Variants in ERVH48-1 observed in about 807,000 individuals in gnomAD.
ERVH48-1 encodes suppressyn.
In ERVH48-1, 4 loss-of-function variants were observed where a neutral mutation model predicts 2.4. The ratio of observed to expected loss-of-function variants is 1.68; its 90% CI spans 0.83 to 3.84. ERVH48-1 has a LOEUF of 3.84. ERVH48-1 is among the 30% of genes most tolerant of loss of function. The pLI is 0.01. For missense variants in ERVH48-1, 97 were observed against 43.4 expected (o/e 2.23, Z -3.47); for synonymous variants, 32 against 15.5 (o/e 2.06, Z -2.49).
chr21:42,920,490 A>C (rs2058802621), intron 1 of ERVH48-1, among the ~76,000 whole-genome samples: 2 of 152,178 alleles, frequency 1.3e-5, no homozygotes. Flanking sequence ...GCAGTTAGGA[A>C]ACCCCCTTCT....
intron 1 of ERVH48-1, among the ~76,000 whole-genome samples, chr21:42,923,246 C>G (rs973463038): frequency 2.6e-5 from 4 of 152,228 alleles, no homozygotes; most frequent in Admixed American, 1.3e-4. Context: ...AGGAGGCTCC[C>G]GTGTGGAGCT....
rs1168110687 is a variant in ERVH48-1 at position 42,918,904 on chromosome 21, G to A, written c.103C>T (p.Leu35=). Residue 35 remains leucine, a synonymous_variant, in exon 2 of 2, where the codon CTG becomes TTG. Transcript: ENST00000447535. ...TTILILSVAV[L]LSTAAPPSCR... is the part of the protein sequence containing the mutation. Reference sequence around the variant, plus strand: ...CTCGGAGGGGCTGCTGTGGACAGCAGGACAGCTACTGACAGTATTAGGATC... The same window carrying A: ...CTCGGAGGGGCTGCTGTGGACAGCAAGACAGCTACTGACAGTATTAGGATC... The A allele has an allele frequency of 2.0e-6, 1 of 503,116 alleles. No individual in the cohort carries two copies. Among genetic ancestry groups the A allele is most frequent in the East Asian group, 6.8e-5 (1 of 14,614 alleles). 31.2% of individuals were successfully genotyped at this position (503,116 alleles called of 1,614,324 possible).
In ERVH48-1 at chr21:42,925,429, C is replaced by T; in HGVS notation, c.-369G>A. 1 of 491,180 alleles carries T rather than the reference C, an allele frequency of 2.0e-6. No individual in the cohort carries two copies. The highest frequency in any genetic ancestry group is 2.8e-5 in the Admixed American group (1 of 35,492). 30.4% of individuals were successfully genotyped at this position (491,180 alleles called of 1,614,324 possible). ...GCTTCCTTTGTCCGGCTGCTGTGGC[C>T]TGCTTTCCCAGATGGAGGGGTGGTA... On this transcript the variant is annotated 5_prime_UTR_variant, in exon 1 of 2. Coordinates refer to ENST00000447535, the MANE Select transcript of ERVH48-1 (RefSeq NM_001308491.2).
chr21:42,918,336 G>T lies in ERVH48-1; in HGVS notation c.*188C>A. 4 of 359,098 alleles carry T rather than the reference G, an allele frequency of 1.1e-5. No individual in the cohort carries two copies. The highest frequency in any genetic ancestry group is 8.6e-5 in the South Asian group (4 of 46,710). 22.2% of individuals were successfully genotyped at this position (359,098 alleles called of 1,614,324 possible). ...GTCCAGGACTGCGGGCATTCCTGAG[G>T]AGTGAAAGTGAGTCTGGGGTTTTGG... On this transcript the variant is annotated 3_prime_UTR_variant, in exon 2 of 2. Transcript: ENST00000447535.
chr21:42,919,801 T>C (rs1216122241), intron 1 of ERVH48-1, among the ~76,000 whole-genome samples: 2 of 152,144 alleles, frequency 1.3e-5, no homozygotes, highest in Non-Finnish European at 1.5e-5. Flanking sequence ...CCTTCTGAAG[T>C]TGTTGGGAAT....
At position 42,919,116 on chromosome 21, in the gene ERVH48-1, T is replaced by C. The variant is rs1266603280; in HGVS notation, c.-110A>G. ...GCCCAGACAAACACTTAGCTGTTAATGTTTTGGAGGAAGAAGCTGCCTTGG... is the reference window on the plus strand; with the variant it reads ...GCCCAGACAAACACTTAGCTGTTAACGTTTTGGAGGAAGAAGCTGCCTTGG... On this transcript the variant is annotated 5_prime_UTR_variant, in exon 2 of 2. Transcript: ENST00000447535. The C allele has an allele frequency of 8.4e-7, 1 of 1,188,640 alleles. No individual in the cohort carries two copies. Among genetic ancestry groups the C allele is most frequent in the South Asian group, 1.5e-5 (1 of 64,576 alleles). 73.6% of individuals were successfully genotyped at this position (1,188,640 alleles called of 1,614,324 possible). A position where few individuals can be genotyped will look rare whatever the true frequency, so the allele number is the denominator to read the frequency against.
In ERVH48-1 at chr21:42,918,516, G is replaced by A. The variant is rs1180790189; in HGVS notation, c.*8C>T. On this transcript the variant is annotated 3_prime_UTR_variant, in exon 2 of 2. Transcript: ENST00000447535. ...ATTTTTTCCTGGCTTAGGAAGGGAT[G>A]CATCTGCTTATAGTTTTTGTATAAA... is the stretch of plus-strand genomic sequence containing the variant. 8.9e-6 allele frequency: 4 copies of A among 451,140 alleles called. No homozygotes were observed. In the East Asian group the frequency reaches 2.8e-4, roughly 31 times the overall value. 27.9% of individuals were successfully genotyped at this position (451,140 alleles called of 1,614,324 possible). A position where few individuals can be genotyped will look rare whatever the true frequency, so the allele number is the denominator to read the frequency against.
chr21:42,918,028 T>C lies in ERVH48-1; in HGVS notation c.*496A>G, dbSNP rs537170346. The C allele has an allele frequency of 3.3e-5, 5 of 153,646 alleles. No homozygotes were observed. Among genetic ancestry groups the C allele is most frequent in the African/African-American group, 1.2e-4 (5 of 41,574 alleles). The allele number at this position is 153,646 out of a possible 1,614,324, so 9.5% of individuals were successfully genotyped here. On this transcript the variant is annotated 3_prime_UTR_variant, in exon 2 of 2. Coordinates refer to ENST00000447535, the MANE Select transcript of ERVH48-1 (RefSeq NM_001308491.2). ...CAGGAATCCGTCAGTGGCAGTCCAT[T>C]GTCAGCTGGTGTTCCTAGGATTGTC...
At chr21:42,923,806 G>T (rs1314375431) in intron 1 of ERVH48-1, among the ~76,000 whole-genome samples, 2 of 152,222 alleles carry the variant, frequency 1.3e-5, no homozygotes, top group African/African-American at 2.4e-5. Flanking sequence ...CCAGTCTTCT[G>T]GGGTGAGCGT....
rs1379559092 is a variant in ERVH48-1 at position 42,919,165 on chromosome 21, T to G, written c.-159A>C. 3.4e-6 allele frequency: 3 copies of G among 885,362 alleles called. No homozygotes were observed. The African/African-American group carries it at 5.3e-5, about 16-fold the overall frequency. 54.8% of individuals were successfully genotyped at this position (885,362 alleles called of 1,614,324 possible). A position where few individuals can be genotyped will look rare whatever the true frequency, so the allele number is the denominator to read the frequency against. ...GGGGGTGAGCTTGACCCTGGTGCGA[T>G]GGATCCAGTTGGGGAGTCCTCGGAC... On this transcript the variant is annotated 5_prime_UTR_variant, in exon 2 of 2. Transcript: ENST00000447535.
At chr21:42,922,458 A>AGGCCGGGCGCGGT (rs1165333995) in intron 1 of ERVH48-1, among the ~76,000 whole-genome samples, 1 of 151,732 alleles carries the variant, frequency 6.6e-6, no homozygotes, top group African/African-American at 2.4e-5. Flanking sequence ...GAGTGAAGGA[A>AGGCCGGGCGCGGT]GGCCGGGCGC....
rs913977705 is a variant in ERVH48-1, at chr21:42,918,273, G to A, written c.*251C>T. 2.5e-5 allele frequency: 8 copies of A among 325,600 alleles called. No individual in the cohort carries two copies. Among genetic ancestry groups the A allele is most frequent in the African/African-American group, 1.3e-4 (6 of 46,300 alleles). 20.2% of individuals were successfully genotyped at this position (325,600 alleles called of 1,614,324 possible). ...CGATGGGTTTTATCAGTCCACTTGC[G>A]GGATATGCACACCGTCCCTCATACT... is the stretch of plus-strand genomic sequence containing the variant. On this transcript the variant is annotated 3_prime_UTR_variant, in exon 2 of 2. Transcript: ENST00000447535.
Position 42,922,293 on chromosome 21 carries a change from G to A in ERVH48-1, c.-285-3002C>T, listed in dbSNP as rs550422932. Among the ~76,000 whole-genome samples, 16 of 152,154 alleles carry A rather than the reference G, an allele frequency of 1.1e-4. No homozygotes were observed. In the East Asian group the frequency reaches 2.1e-3, roughly 20 times the overall value. ...AGGAAAGGTTGCATGTTTTAGGGTG[G>A]GAGGTTGCAGGAGTAGAAGAAAGTT... On this transcript the variant is annotated intron_variant, in intron 1 of 1. Transcript: ENST00000447535.
chr21:42,925,240 C>T (rs892771553), intron 1 of ERVH48-1, 106 bp downstream of exon 1: 15 of 273,026 alleles, frequency 5.5e-5, no homozygotes, highest in African/African-American at 2.8e-4. Flanking sequence ...CCACCACGCC[C>T]GGCCATGCCA....
chr21:42,923,033 A>C (rs992805889), intron 1 of ERVH48-1, among the ~76,000 whole-genome samples: 1 of 152,204 alleles, frequency 6.6e-6, no homozygotes, highest in Non-Finnish European at 1.5e-5. Context: ...CTTCAGCGGC[A>C]AGGCCGATGA....
intron 1 of ERVH48-1, among the ~76,000 whole-genome samples, chr21:42,921,629 A>G (rs904803280): frequency 6.6e-6 from 1 of 152,070 alleles, no homozygotes; most frequent in Non-Finnish European, 1.5e-5. Context: ...GCAGATCATC[A>G]AGGAGAGTGG....
At chr21:42,923,749 T>G (rs531450309) in intron 1 of ERVH48-1, among the ~76,000 whole-genome samples, 11 of 152,156 alleles carry the variant, frequency 7.2e-5, no homozygotes, top group Non-Finnish European at 1.3e-4. Context: ...GGCAGCTTGG[T>G]GATGAATTGT....
intron 1 of ERVH48-1, among the ~76,000 whole-genome samples, chr21:42,920,675 G>A (rs2146178343): frequency 6.6e-6 from 1 of 152,280 alleles, no homozygotes; most frequent in South Asian, 2.1e-4. Context: ...CTATAGCATA[G>A]CCAGCATGTT....
intron 1 of ERVH48-1, among the ~76,000 whole-genome samples, chr21:42,923,524 C>A (rs2058812950): frequency 6.6e-6 from 1 of 152,088 alleles, no homozygotes; most frequent in South Asian, 2.1e-4. Flanking sequence ...CTCATGGCTT[C>A]CATTAAACAA....
Sources: allele counts gnomAD v4.1 joint callset (sites outside exome capture counted in the v4.1 genomes callset), GRCh38; gene constraint gnomAD v4.1.1; transcripts MANE v1.5; gene names NCBI Gene and HGNC (gene_info 2026-07-23, HGNC 2026-07-21).